Variants in FBXO38 observed in about 807,000 individuals in gnomAD.
The protein encoded by FBXO38 is F-box protein 38, also known as F-box only protein 38.
A neutral mutation model predicts 131.9 loss-of-function variants in FBXO38; 53 were observed. The ratio of observed to expected loss-of-function variants is 0.40; its 90% CI spans 0.32 to 0.51. FBXO38 has a LOEUF of 0.51. FBXO38 is among the 20% of genes least tolerant of loss of function. The probability of loss-of-function intolerance (pLI) is 0.53; values close to 1 mark genes in which losing one functional copy is unlikely to be tolerated. For missense variants in FBXO38, 1,076 were observed against 1,475.6 expected (o/e 0.73, Z 4.44); for synonymous variants, 452 against 505.6 (o/e 0.89, Z 1.42).
At chr5:148,387,655 A>AGT (rs1757982339) in intron 1 of FBXO38, among the ~76,000 whole-genome samples, 2 of 151,064 alleles carry the variant, frequency 1.3e-5, no homozygotes, top group South Asian at 4.2e-4. Context: ...GAGGAATCAC[A>AGT]GTCTATGGCA....
Position 148,394,765 on chromosome 5 carries a change from G to A in FBXO38, c.-12G>A. ...GGAAGATTTTCTCGTTGATACTGGA[G>A]ACTGCACAACAATGGGGCCACGAAA... On this transcript the variant is annotated 5_prime_UTR_variant, in exon 2 of 22. Transcript: ENST00000340253. 1 of 1,535,558 alleles carries A rather than the reference G, an allele frequency of 6.5e-7. No homozygotes were observed. Among genetic ancestry groups the A allele is most frequent in the Non-Finnish European group, 8.8e-7 (1 of 1,142,636 alleles).
chr5:148,434,611 A>T (rs1487371477), intron 17 of FBXO38: 1 of 152,258 alleles, frequency 6.6e-6, no homozygotes, highest in Non-Finnish European at 1.5e-5. Context: ...ATGTGTATGT[A>T]TACAGGCACA....
chr5:148,401,760 C>T (rs1752164981), intron 3 of FBXO38, among the ~76,000 whole-genome samples: 1 of 152,120 alleles, frequency 6.6e-6, no homozygotes, highest in African/African-American at 2.4e-5. Flanking sequence ...ATAATAAAAG[C>T]CTCCTCCATA....
At position 148,410,692 on chromosome 5, in the gene FBXO38, A is replaced by G. The variant is rs1183069392; in HGVS notation, c.1020A>G (p.Leu340=). ...SLTKDGVFSA[L]KMAELEFPQF... ...CCAAAGATGGTGTCTTTTCTGCCCTAAAGATGGCAGAGTTGGAGTTTCCCC... is the reference window on the plus strand; with the variant it reads ...CCAAAGATGGTGTCTTTTCTGCCCTGAAGATGGCAGAGTTGGAGTTTCCCC... The change falls in exon 9 of 22, where the codon CTA becomes CTG. Residue 340 remains leucine (L), a synonymous_variant. Transcript: ENST00000340253. The G allele has an allele frequency of 6.2e-7, 1 of 1,613,850 alleles. No homozygotes were observed. The highest frequency in any genetic ancestry group is 2.2e-5 in the East Asian group (1 of 44,868).
intron 12 of FBXO38, 92 bp downstream of exon 12, chr5:148,417,296 C>T: frequency 1.1e-6 from 1 of 895,080 alleles, no homozygotes; most frequent in Admixed American, 2.1e-5. Context: ...TCCCCTGTTT[C>T]AACTTGTCAC....
intron 14 of FBXO38, among the ~76,000 whole-genome samples, chr5:148,426,181 C>T (rs1753705314): frequency 6.6e-6 from 1 of 152,194 alleles, no homozygotes; most frequent in Non-Finnish European, 1.5e-5. Context: ...TGCAGTGCCT[C>T]ACCAAGAAAC....
intron 12 of FBXO38, among the ~76,000 whole-genome samples, chr5:148,421,224 A>G (rs1255801534): frequency 6.6e-6 from 1 of 152,164 alleles, no homozygotes; most frequent in Non-Finnish European, 1.5e-5. Flanking sequence ...CTGGCCTCCC[A>G]AAGTACTGGG....
chr5:148,390,215 T>G (rs1293281920), intron 1 of FBXO38, among the ~76,000 whole-genome samples: 1 of 152,062 alleles, frequency 6.6e-6, no homozygotes, highest in Admixed American at 6.5e-5. Context: ...CTGAAGCAAC[T>G]TTGTTGTCCT....
At chr5:148,404,116 G>T (rs1752311693) in intron 5 of FBXO38, among the ~76,000 whole-genome samples, 2 of 152,098 alleles carry the variant, frequency 1.3e-5, no homozygotes, top group Admixed American at 1.3e-4. Flanking sequence ...AGCCATGCTG[G>T]CTGGCTTCTC....
chr5:148,442,011 A>C lies in FBXO38; in HGVS notation c.3431A>C (p.Asp1144Ala), dbSNP rs1754712750. Residue 1144 changes from aspartate (D) to alanine (A), a missense_variant, in exon 22 of 22, where the codon GAC becomes GCC. By Grantham distance (126) the Asp-to-Ala change is moderately radical (BLOSUM62 -2). Around this residue, in one of 8 missense-constraint regions of FBXO38, gnomAD observed 282 missense variants for 418.8 expected, o/e 0.67. Transcript: ENST00000340253. ...AGAAGGAAAGGACAGCTGTCTGCAG[A>C]CATCTGTATGGAAACAATAGGAGAG... ...APRRKGQLSA[D>A]ICMETIGEEI... 3 of 1,614,162 alleles carry C rather than the reference A, an allele frequency of 1.9e-6. No homozygotes were observed. Among genetic ancestry groups the C allele is most frequent in the Non-Finnish European group, 2.5e-6 (3 of 1,179,980 alleles).
chr5:148,438,436 G>C lies in FBXO38; in HGVS notation c.2962G>C (p.Asp988His), dbSNP rs1294095479. ...GAAACTGAACATGGATCAGGTACTA[G>C]ACCAGATACTAAGAATGCCACCCGA... Reference protein sequence around the residue: ...CKKLNMDQVLDQILRMPPERN... With the variant: ...CKKLNMDQVLHQILRMPPERN... Residue 988 changes from aspartate to histidine, a missense_variant, in exon 18 of 22, where the codon GAC (aspartate) becomes CAC (histidine). Asp to His is a moderately conservative substitution (Grantham distance 81). This residue lies in a region of FBXO38 where 282 missense variants were observed against 418.8 expected (regional missense o/e 0.67). Transcript: ENST00000340253. The C allele has an allele frequency of 6.2e-7, 1 of 1,613,842 alleles. No individual in the cohort carries two copies. The highest frequency in any genetic ancestry group is 8.5e-7 in the Non-Finnish European group (1 of 1,179,838).
chr5:148,407,236 A>C (rs1332614453), intron 7 of FBXO38, among the ~76,000 whole-genome samples: 1 of 152,240 alleles, frequency 6.6e-6, no homozygotes, highest in Non-Finnish European at 1.5e-5. Context: ...ACAAGATAAA[A>C]GTCAAAAACG....
intron 6 of FBXO38, among the ~76,000 whole-genome samples, chr5:148,405,706 T>C (rs1217804729): frequency 2.0e-5 from 3 of 152,232 alleles, no homozygotes; most frequent in African/African-American, 7.2e-5. Context: ...TATGCGTTCT[T>C]CAGGTTCTGC....
intron 10 of FBXO38, among the ~76,000 whole-genome samples, chr5:148,415,087 T>C (rs1055726964): frequency 6.6e-6 from 1 of 152,164 alleles, no homozygotes; most frequent in African/African-American, 2.4e-5. Flanking sequence ...AATATAGTCA[T>C]GTCTCATGTG....
chr5:148,425,723 AACTAT>A (rs1203774897), intron 14 of FBXO38, 22 bp downstream of exon 14: 1 of 1,604,082 alleles, frequency 6.2e-7, no homozygotes. Context: ...TCTTTCTCTG[AACTAT>A]TAATGAGAGT....
At chr5:148,408,624 A>G (rs1005569782) in intron 7 of FBXO38, among the ~76,000 whole-genome samples, 4 of 152,244 alleles carry the variant, frequency 2.6e-5, no homozygotes, top group African/African-American at 9.6e-5. Context: ...AAAGTATACA[A>G]ACTTTGTGAT....
chr5:148,393,880 G>A (rs550012372), intron 1 of FBXO38, among the ~76,000 whole-genome samples: 2 of 151,996 alleles, frequency 1.3e-5, no homozygotes, highest in East Asian at 1.9e-4. Context: ...GACAATCAAG[G>A]TGTTAACTCC....
chr5:148,433,631 G>C lies in FBXO38; in HGVS notation c.2755-4G>C. On this transcript the variant is annotated splice_polypyrimidine_tract_variant and splice_region_variant and intron_variant, in intron 16 of 21. Transcript: ENST00000340253. The stretch of plus-strand genomic sequence containing the variant: ...TATATAGTTTCTAATTTTTCTGCTT[G>C]TAGGTTCTTGTATTAAAATCCAAGA... The C allele has an allele frequency of 6.3e-7, 1 of 1,588,876 alleles. No individual in the cohort carries two copies. Among genetic ancestry groups the C allele is most frequent in the Non-Finnish European group, 8.6e-7 (1 of 1,166,912 alleles).
intron 1 of FBXO38, among the ~76,000 whole-genome samples, chr5:148,393,020 A>C (rs138711759): frequency 6.6e-6 from 1 of 152,026 alleles, no homozygotes; most frequent in Non-Finnish European, 1.5e-5. Flanking sequence ...TATGAACTTT[A>C]TTTTTCCGGA....
Sources: allele counts gnomAD v4.1 joint callset (sites outside exome capture counted in the v4.1 genomes callset), GRCh38; gene constraint gnomAD v4.1.1; regional missense constraint gnomAD v4.1.1; transcripts MANE v1.5; gene names NCBI Gene and HGNC (gene_info 2026-07-23, HGNC 2026-07-21).